The following OR10H5 variants were observed in gnomAD, a reference collection of about 807,000 sequenced individuals.
The protein encoded by OR10H5 is olfactory receptor family 10 subfamily H member 5.
Under a neutral mutation model 12.2 loss-of-function variants are expected in OR10H5, and 7 were observed. The ratio of observed to expected loss-of-function variants is 0.57; its 90% CI spans 0.33 to 1.07. The LOEUF (loss-of-function observed/expected upper bound fraction) is 1.07, where lower values mean the gene tolerates loss of function less well. Among genes scored for constraint, OR10H5 ranks in the 50% least tolerant of loss-of-function variants. The pLI is 0.04. For synonymous variants in OR10H5, 159 were observed against 175.1 expected, an observed-to-expected ratio of 0.91 and a Z score of 0.73; for missense variants, 346 against 411.6, an observed-to-expected ratio of 0.84 and a Z score of 1.38.
At chr19:15,789,485 G>A (rs1281388610) in intron 1 of OR10H5, among the ~76,000 whole-genome samples, 1 of 152,180 alleles carries the variant, frequency 6.6e-6, no homozygotes, top group African/African-American at 2.4e-5. Context: ...ATTTGCACCA[G>A]CCTGGGATTC....
At chr19:15,791,681 C>T (rs2088809751) in intron 1 of OR10H5, among the ~76,000 whole-genome samples, 1 of 151,682 alleles carries the variant, frequency 6.6e-6, no homozygotes, top group South Asian at 2.1e-4. Context: ...CCTTTGTTTG[C>T]ATGAATTATT....
Position 15,794,981 on chromosome 19 carries a change from T to A in OR10H5, c.933T>A (p.Phe311Leu). 6.2e-7 allele frequency: 1 copy of A among 1,613,860 alleles called. No homozygotes were observed. The highest frequency in any genetic ancestry group is 8.5e-7 in the Non-Finnish European group (1 of 1,179,846). Residue 311 changes from phenylalanine (F) to leucine (L), a missense_variant, in exon 2 of 2, where the codon TTT (phenylalanine) becomes TTA (leucine). Coordinates refer to ENST00000642092, the MANE Select transcript of OR10H5 (RefSeq NM_001004466.2). ...AMKKTCFTKL[F>L]PQNC The stretch of plus-strand genomic sequence containing the variant: ...AGAAGACTTGCTTCACCAAACTCTT[T>A]CCACAGAACTGCTGAAATGGCTGAC...
rs372682146 is a variant in OR10H5 at position 15,794,161 on chromosome 19, C to T, written c.113C>T (p.Thr38Met). The T allele has an allele frequency of 1.4e-5, 22 of 1,614,028 alleles. No individual in the cohort carries two copies. Among genetic ancestry groups the T allele is most frequent in the African/African-American group, 8.0e-5 (6 of 74,916 alleles). The change falls in exon 2 of 2, where the codon ACG (threonine) becomes ATG (methionine). Residue 38 changes from threonine (T) to methionine (M), a missense_variant. Coordinates refer to ENST00000642092, the MANE Select transcript of OR10H5 (RefSeq NM_001004466.2). ...FLLFLLMYLFTLLGNLLIMAT... is the reference protein window; with the variant it reads ...FLLFLLMYLFMLLGNLLIMAT... Reference sequence around the variant, plus strand: ...CTGTTCCTGCTGATGTACCTGTTCACGCTGCTGGGCAACCTGCTCATCATG... The same window carrying T: ...CTGTTCCTGCTGATGTACCTGTTCATGCTGCTGGGCAACCTGCTCATCATG...
intron 1 of OR10H5, 191 bp from the exon 2 acceptor site, chr19:15,793,847 C>A: frequency 1.7e-6 from 1 of 590,818 alleles, no homozygotes; most frequent in Non-Finnish European, 3.0e-6. Flanking sequence ...CCACTGCACT[C>A]CAGCCTGGGT....
At position 15,794,289 on chromosome 19, in the gene OR10H5, A is replaced by G. The variant is rs751067240; in HGVS notation, c.241A>G (p.Met81Val). 27 of 1,609,974 alleles carry G rather than the reference A, an allele frequency of 1.7e-5. No homozygotes were observed. The highest frequency in any genetic ancestry group is 1.6e-4 in the Middle Eastern group (1 of 6,078). ...ILYTVAIIPR[M>V]LADLLSTQRS... Reference sequence around the variant, plus strand: ...CTACACCGTGGCCATCATCCCGCGCATGCTGGCCGACCTGCTGTCCACCCA... The same window carrying G: ...CTACACCGTGGCCATCATCCCGCGCGTGCTGGCCGACCTGCTGTCCACCCA... Residue 81 changes from methionine to valine, a missense_variant, in exon 2 of 2, where the codon ATG becomes GTG. Coordinates refer to ENST00000642092, the MANE Select transcript of OR10H5 (RefSeq NM_001004466.2).
chr19:15,794,893 T>A lies in OR10H5; in HGVS notation c.845T>A (p.Leu282His). ...TTGATGGGCATCACCTACACGGTCC[T>A]CACACCCTTCCTCAGCCCCATCATC... is the stretch of plus-strand genomic sequence containing the variant. ...DTLMGITYTV[L>H]TPFLSPIIFS... The change falls in exon 2 of 2, where the codon CTC becomes CAC. Residue 282 changes from leucine (L) to histidine (H), a missense_variant. Leu to His is a moderately conservative substitution (Grantham distance 99). Transcript: ENST00000642092. 6.2e-7 allele frequency: 1 copy of A among 1,614,104 alleles called. No individual in the cohort carries two copies. The highest frequency in any genetic ancestry group is 8.5e-7 in the Non-Finnish European group (1 of 1,180,004).
In OR10H5 at chr19:15,799,708, T is replaced by TTTTGA. The variant is rs1555766266; in HGVS notation, c.*4712_*4713insTTTGA. 4.8e-5 allele frequency: 7 copies of TTTTGA among 146,664 alleles called. No homozygotes were observed. The highest frequency in any genetic ancestry group is 2.2e-4 in the South Asian group (1 of 4,626). 9.1% of individuals were successfully genotyped at this position (146,664 alleles called of 1,614,324 possible). A position where few individuals can be genotyped will look rare whatever the true frequency, so the allele number is the denominator to read the frequency against. On this transcript the variant is annotated 3_prime_UTR_variant, in exon 2 of 2. Coordinates refer to ENST00000642092, the MANE Select transcript of OR10H5 (RefSeq NM_001004466.2). ...TTCATTGAATGTCTTTTTTTTTTTT[T>TTTTGA]GAGAGAGAGAGAGAGAGAGAAATAA...
Position 15,795,373 on chromosome 19 carries a change from T to G in OR10H5, c.*377T>G. ...CTGAGTCTCGTTCTGTCACCCAGGT[T>G]GGAGTGCGTTGGCACAATCTCGGCT... On this transcript the variant is annotated 3_prime_UTR_variant, in exon 2 of 2. Transcript: ENST00000642092. 4.8e-6 allele frequency: 1 copy of G among 208,656 alleles called. No homozygotes were observed. Among genetic ancestry groups the G allele is most frequent in the African/African-American group, 2.3e-5 (1 of 42,710 alleles). The allele number at this position is 208,656 out of a possible 1,614,324, so 12.9% of individuals were successfully genotyped here.
chr19:15,794,019 T>C lies in OR10H5; in HGVS notation c.-11-19T>C. ...GTGCTCCTAACCACTGGGTCTTCTT[T>C]CCTCTCTCCACCAACTAGGGGTGGC... On this transcript the variant is annotated intron_variant, in intron 1 of 1. Transcript: ENST00000642092. The C allele has an allele frequency of 8.8e-6, 14 of 1,586,546 alleles. No individual in the cohort carries two copies. Among genetic ancestry groups the C allele is most frequent in the Non-Finnish European group, 1.2e-5 (14 of 1,163,948 alleles).
Position 15,794,032 on chromosome 19 carries a change from A to G in OR10H5, c.-11-6A>G. 6.2e-7 allele frequency: 1 copy of G among 1,601,816 alleles called. No individual in the cohort carries two copies. The highest frequency in any genetic ancestry group is 1.3e-5 in the African/African-American group (1 of 74,904). ...CTGGGTCTTCTTTCCTCTCTCCACC[A>G]ACTAGGGGTGGCCGCCATGCAGGGG... On this transcript the variant is annotated splice_polypyrimidine_tract_variant and splice_region_variant and intron_variant, in intron 1 of 1. Transcript: ENST00000642092.
rs1325713868 is a variant in OR10H5 at position 15,795,172 on chromosome 19, C to T, written c.*176C>T. ...CTGACCTACAGTCCACCCTCCCTCCCCCCTCCTCCTTGCCTTCCTTCCATC... is the reference window on the plus strand; with the variant it reads ...CTGACCTACAGTCCACCCTCCCTCCTCCCTCCTCCTTGCCTTCCTTCCATC... On this transcript the variant is annotated 3_prime_UTR_variant, in exon 2 of 2. Transcript: ENST00000642092. The T allele has an allele frequency of 1.7e-6, 1 of 592,264 alleles. No homozygotes were observed. Among genetic ancestry groups the T allele is most frequent in the Non-Finnish European group, 2.9e-6 (1 of 345,736 alleles). The allele number at this position is 592,264 out of a possible 1,614,324, so 36.7% of individuals were successfully genotyped here.
intron 1 of OR10H5, 162 bp from the exon 2 acceptor site, chr19:15,793,876 C>A: frequency 3.0e-6 from 2 of 660,456 alleles, no homozygotes; most frequent in East Asian, 2.7e-5. Flanking sequence ...GAGACCCCAT[C>A]TCAAAAACTA....
At position 15,791,908 on chromosome 19, in the gene OR10H5, T is replaced by C. The variant is rs570207057; in HGVS notation, c.-11-2130T>C. Among the ~76,000 whole-genome samples the C allele has an allele frequency of 2.6e-5, 4 of 152,178 alleles. No homozygotes were observed. The South Asian group carries it at 8.3e-4, about 32-fold the overall frequency. On this transcript the variant is annotated intron_variant, in intron 1 of 1. Coordinates refer to ENST00000642092, the MANE Select transcript of OR10H5 (RefSeq NM_001004466.2). ...CGGGTTTTCACCATGTTAGCCAGGA[T>C]GGTCTTGATCTCCTAACTTCATGAT...
At chr19:15,787,857 G>A (rs2088789349) in intron 1 of OR10H5, 141 bp downstream of exon 1, 1 of 152,774 alleles carries the variant, frequency 6.5e-6, no homozygotes, top group South Asian at 2.1e-4. Flanking sequence ...ACGAGAGGGA[G>A]CATGGGATGA....
At position 15,794,110 on chromosome 19, in the gene OR10H5, C is replaced by T; in HGVS notation, c.62C>T (p.Pro21Leu). ...EFILVGFSAFPHLQLMLFLLF... is the reference protein window; with the variant it reads ...EFILVGFSAFLHLQLMLFLLF... ...ATCCTCGTTGGCTTCTCTGCCTTCCCCCACCTCCAGCTGATGCTCTTCCTG... is the reference window on the plus strand; with the variant it reads ...ATCCTCGTTGGCTTCTCTGCCTTCCTCCACCTCCAGCTGATGCTCTTCCTG... The change falls in exon 2 of 2, where the codon CCC (proline) becomes CTC (leucine). Residue 21 changes from proline to leucine, a missense_variant. Coordinates refer to ENST00000642092, the MANE Select transcript of OR10H5 (RefSeq NM_001004466.2). The T allele has an allele frequency of 6.2e-7, 1 of 1,614,122 alleles. No individual in the cohort carries two copies. Among genetic ancestry groups the T allele is most frequent in the African/African-American group, 1.3e-5 (1 of 75,036 alleles).
chr19:15,791,347 A>AAAAC (rs974853613), intron 1 of OR10H5, among the ~76,000 whole-genome samples: 1 of 152,122 alleles, frequency 6.6e-6, no homozygotes, highest in African/African-American at 2.4e-5. Flanking sequence ...ACTCCATCTC[A>AAAAC]AAACAAACAA....
intron 1 of OR10H5, among the ~76,000 whole-genome samples, chr19:15,788,403 G>A (rs1010745039): frequency 2.0e-5 from 3 of 152,034 alleles, no homozygotes; most frequent in Non-Finnish European, 4.4e-5. Flanking sequence ...CTCTCTTCAC[G>A]CGACCTTTTC....
rs35542150 is a variant in OR10H5 at position 15,791,441 on chromosome 19, TACACACACACAC to T, written c.-11-2573_-11-2562del. 1.4e-4 allele frequency among the ~76,000 whole-genome samples: 21 copies of T among 147,438 alleles called. No individual in the cohort carries two copies. In the East Asian group the frequency reaches 2.0e-3, roughly 14 times the overall value. Reference sequence around the variant, plus strand: ...TATCTATATAGTTATATAGATACCATACACACACACACACACACACACACACACACACACATT... The same window carrying T: ...TATCTATATAGTTATATAGATACCATACACACACACACACACACACACATT... On this transcript the variant is annotated intron_variant, in intron 1 of 1. Transcript: ENST00000642092.
At chr19:15,790,905 G>T (rs545586897) in intron 1 of OR10H5, among the ~76,000 whole-genome samples, 2 of 152,296 alleles carry the variant, frequency 1.3e-5, no homozygotes, top group Admixed American at 1.3e-4. Flanking sequence ...TAATATTGGG[G>T]TGAACCAGGT....
Sources: gnomAD v4.1 joint callset for allele counts (sites outside exome capture counted in the v4.1 genomes callset) on GRCh38, gnomAD v4.1.1 for gene constraint, MANE v1.5 for transcripts, NCBI Gene and HGNC (gene_info 2026-07-23, HGNC 2026-07-21) for gene names.